ATP10B: variants seen among roughly 807,000 people sequenced by gnomAD.
ATP10B encodes the protein ATPase phospholipid transporting 10B (putative).
Under a neutral mutation model 141.2 loss-of-function variants are expected in ATP10B, and 122 were observed. The observed-to-expected ratio is 0.86, with a 90% CI of 0.75 to 1.00. The LOEUF is 1.00. Among genes scored for constraint, ATP10B ranks in the 50% least tolerant of loss-of-function variants. ATP10B has a pLI of 0.00. For synonymous variants in ATP10B, 685 were observed against 692.0 expected, an observed-to-expected ratio of 0.99 and a Z score of 0.16; for missense variants, 1,876 against 1,825.3, an observed-to-expected ratio of 1.03 and a Z score of -0.51.
chr5:160,824,534 G>A lies in ATP10B; in HGVS notation c.-576+27407C>T, dbSNP rs115393828. Among the ~76,000 whole-genome samples the A allele has an allele frequency of 6.0e-3, 918 of 152,250 alleles. 13 individuals carry two copies. Among genetic ancestry groups the A allele is most frequent in the African/African-American group, 0.021 (874 of 41,552 alleles). On this transcript the variant is annotated intron_variant, in intron 1 of 25. Transcript: ENST00000327245. ...AGAAATGTCATTAGGTGATTTCATC[G>A]TTGTGTGTACATTATGGAGTGAACT...
chr5:160,849,611 T>C (rs2127992116), intron 1 of ATP10B, among the ~76,000 whole-genome samples: 1 of 57,518 alleles, frequency 1.7e-5, no homozygotes, highest in South Asian at 5.3e-4. Flanking sequence ...TGAATTGTAC[T>C]GGCAATTACA....
chr5:160,632,308 G>T lies in ATP10B; in HGVS notation c.1441C>A (p.Gln481Lys), dbSNP rs1201732831. 5 of 1,614,078 alleles carry T rather than the reference G, an allele frequency of 3.1e-6. No homozygotes were observed. The East Asian group carries it at 1.1e-4, about 36-fold the overall frequency. Residue 481 changes from glutamine (Q) to lysine (K), a missense_variant, in exon 13 of 26, where the codon CAA becomes AAA. Gln to Lys is a moderately conservative substitution (Grantham distance 53, BLOSUM62 1). Transcript: ENST00000327245. ...CATCTAGCCGAGAAGGACAGGCATT[G>T]GTATTGGGTCCACTCTTCACCATCT... is the stretch of plus-strand genomic sequence containing the variant. The part of the protein sequence containing the change: ...DSDGEEWTQY[Q>K]CLSFSARWAQ...
chr5:160,632,579 C>T, intron 12 of ATP10B: 2 of 346,768 alleles, frequency 5.8e-6, no homozygotes, highest in Non-Finnish European at 1.0e-5. Context: ...AGTTATGTGA[C>T]TTTGAGCTTT....
chr5:160,769,000 A>T (rs2127852508), intron 2 of ATP10B, among the ~76,000 whole-genome samples: 1 of 152,270 alleles, frequency 6.6e-6, no homozygotes, highest in South Asian at 2.1e-4. Flanking sequence ...TCCCCATGTC[A>T]TGGAAACACA....
chr5:160,618,173 G>T (rs1408294834), intron 15 of ATP10B, among the ~76,000 whole-genome samples, 200 bp from the exon 16 acceptor site: 1 of 152,202 alleles, frequency 6.6e-6, no homozygotes, highest in Non-Finnish European at 1.5e-5. Context: ...TAAGCTGTCT[G>T]CTCTCTACAT....
chr5:160,693,586 G>A (rs2077806716), intron 3 of ATP10B, among the ~76,000 whole-genome samples: 1 of 152,086 alleles, frequency 6.6e-6, no homozygotes, highest in African/African-American at 2.4e-5. Context: ...TTCCAGAAAC[G>A]GGAAGAAGTT....
chr5:160,589,800 A>G (rs778245371), intron 23 of ATP10B, 104 bp from the exon 24 acceptor site: 5 of 813,862 alleles, frequency 6.1e-6, no homozygotes, highest in Non-Finnish European at 8.4e-6. Context: ...GTCAATGGAG[A>G]AGGAGGTACC....
chr5:160,842,540 A>G (rs1030683742), intron 1 of ATP10B, among the ~76,000 whole-genome samples: 1 of 152,076 alleles, frequency 6.6e-6, no homozygotes, highest in African/African-American at 2.4e-5. Flanking sequence ...GCTAACTGAT[A>G]AAACAGAAAA....
At chr5:160,886,968 T>A in the ATP10B span, among the ~76,000 whole-genome samples, 1 of 152,342 alleles carries the variant, frequency 6.6e-6, no homozygotes, top group Admixed American at 6.5e-5. Flanking sequence ...TATTCCTGGG[T>A]AATCAAATAC....
rs986475458 is a variant in ATP10B, at chr5:160,649,210, T to A, written c.722A>T (p.Glu241Val). The A allele has an allele frequency of 2.5e-6, 4 of 1,614,088 alleles. No homozygotes were observed. The highest frequency in any genetic ancestry group is 2.5e-6 in the Non-Finnish European group (3 of 1,179,938). ...PELFHNTIVC[E>V]KPNNHLNKFK... ...TTTGTTGAGGTGGTTGTTGGGTTTC[T>A]CACACACGATGGTATTGTGGAAAAG... is the stretch of plus-strand genomic sequence containing the variant. Residue 241 changes from glutamate to valine, a missense_variant, in exon 8 of 26, where the codon GAG (glutamate) becomes GTG (valine). Physicochemically the swap from Glu to Val is moderately radical, Grantham distance 121. Coordinates refer to ENST00000327245, the MANE Select transcript of ATP10B (RefSeq NM_025153.3).
the ATP10B span, among the ~76,000 whole-genome samples, chr5:160,869,808 T>A: frequency 6.6e-6 from 1 of 152,146 alleles, no homozygotes; most frequent in South Asian, 2.1e-4. Flanking sequence ...GAGACTTAAC[T>A]GTGGACAAAT....
intron 3 of ATP10B, among the ~76,000 whole-genome samples, chr5:160,689,427 A>T (rs1040989547): frequency 6.6e-6 from 1 of 152,220 alleles, no homozygotes; most frequent in Non-Finnish European, 1.5e-5. Context: ...GAAGAGAGAG[A>T]GTCAAATGGT....
intron 3 of ATP10B, among the ~76,000 whole-genome samples, chr5:160,701,319 G>A (rs1171467285): frequency 1.3e-5 from 2 of 152,056 alleles, no homozygotes; most frequent in East Asian, 3.8e-4. Flanking sequence ...CCTGTCTTTT[G>A]TTATCCTCTC....
chr5:160,571,474 T>C (rs1459490729), intron 24 of ATP10B, among the ~76,000 whole-genome samples: 2 of 152,228 alleles, frequency 1.3e-5, no homozygotes, highest in African/African-American at 4.8e-5. Context: ...TCTTTAGACA[T>C]AGTAAACATA....
chr5:160,585,812 G>A (rs1308751665), intron 24 of ATP10B, among the ~76,000 whole-genome samples: 1 of 152,096 alleles, frequency 6.6e-6, no homozygotes, highest in Non-Finnish European at 1.5e-5. Flanking sequence ...CCTTCCCAGT[G>A]CCTTCTCTTC....
At chr5:160,593,385 T>C (rs1303578307) in intron 22 of ATP10B, among the ~76,000 whole-genome samples, 3 of 151,980 alleles carry the variant, frequency 2.0e-5, no homozygotes, top group Non-Finnish European at 4.4e-5. Flanking sequence ...AACTAACAAA[T>C]AGAAAGGACA....
chr5:160,628,984 T>C (rs911565048), intron 13 of ATP10B, among the ~76,000 whole-genome samples: 2 of 152,036 alleles, frequency 1.3e-5, no homozygotes, highest in Non-Finnish European at 1.5e-5. Context: ...TTTTTGTCGA[T>C]TGTTATTTTT....
At chr5:160,915,475 GC>G in the ATP10B span, among the ~76,000 whole-genome samples, 24 of 152,188 alleles carry the variant, frequency 1.6e-4, no homozygotes, top group African/African-American at 5.8e-4. Context: ...GGGATAACAG[GC>G]GCCTGCCACC....
chr5:160,632,638 TTTTTA>T (rs1385377123), intron 12 of ATP10B: 1 of 318,984 alleles, frequency 3.1e-6, no homozygotes, highest in African/African-American at 2.2e-5. Context: ...TTTTTTTTTT[TTTTTA>T]GGTTTCTAAC....
Sources: allele counts gnomAD v4.1 joint callset (sites outside exome capture counted in the v4.1 genomes callset), GRCh38; gene constraint gnomAD v4.1.1; transcripts MANE v1.5; gene names NCBI Gene and HGNC (gene_info 2026-07-23, HGNC 2026-07-21).